CACNA1C: variants seen among roughly 807,000 people sequenced by gnomAD.
CACNA1C encodes calcium voltage-gated channel subunit alpha1 C, also known as voltage-dependent L-type calcium channel subunit alpha-1C.
CACNA1C carries 30 observed loss-of-function variants against 229.0 expected under a neutral mutation model. The ratio of observed to expected loss-of-function variants is 0.13; its 90% confidence interval spans 0.10 to 0.18. CACNA1C has a LOEUF of 0.18. CACNA1C is among the 10% of genes least tolerant of loss of function. The probability of loss-of-function intolerance (pLI) is 1.00; values close to 1 mark genes in which losing one functional copy is unlikely to be tolerated. For synonymous variants in CACNA1C, 1,114 were observed against 1,132.5 expected (o/e 0.98, Z 0.33); for missense variants, 1,658 against 2,845.0 (o/e 0.58, Z 9.49).
chr12:2,264,533 A>G (rs1240812792), intron 3 of CACNA1C, among the ~76,000 whole-genome samples: 1 of 152,180 alleles, frequency 6.6e-6, no homozygotes, highest in Non-Finnish European at 1.5e-5. Context: ...AACCCTTGCA[A>G]TCATGCCAAG....
At chr12:2,178,354 C>A (rs1765629129) in intron 3 of CACNA1C, among the ~76,000 whole-genome samples, 1 of 152,188 alleles carries the variant, frequency 6.6e-6, no homozygotes, top group Non-Finnish European at 1.5e-5. Context: ...AGGGGCCATG[C>A]ACTAACTGTA....
intron 5 of CACNA1C, among the ~76,000 whole-genome samples, chr12:2,462,329 G>A (rs557630798): frequency 9.1e-4 from 127 of 139,788 alleles, no homozygotes; most frequent in African/African-American, 3.3e-3. Flanking sequence ...GCACCTCCTC[G>A]GCCCGCCCCT....
At chr12:2,069,894 G>A (rs1042404491) in intron 1 of CACNA1C, among the ~76,000 whole-genome samples, 3 of 152,004 alleles carry the variant, frequency 2.0e-5, no homozygotes, top group Admixed American at 1.3e-4. Flanking sequence ...AATGGCTCAC[G>A]GCAGCCTCAA....
chr12:1,998,091 C>T lies in CACNA1C; in HGVS notation c.139+26890C>T. The T allele has an allele frequency of 3.9e-6, 3 of 775,600 alleles. No homozygotes were observed. In the South Asian group the frequency reaches 6.4e-5, roughly 17 times the overall value. 48.0% of individuals were successfully genotyped at this position (775,600 alleles called of 1,614,324 possible). A position where few individuals can be genotyped will look rare whatever the true frequency, so the allele number is the denominator to read the frequency against. ...ATAACTTCAATGGGCCAAATATACC[C>T]AACATGAGGAGTTATTCTCAGGAAA... On this transcript the variant is annotated intron_variant, in intron 1 of 46. Coordinates refer to the CACNA1C transcript ENST00000682462.
At chr12:2,478,371 G>A (rs1039168259) in intron 5 of CACNA1C, among the ~76,000 whole-genome samples, 1 of 152,180 alleles carries the variant, frequency 6.6e-6, no homozygotes, top group East Asian at 1.9e-4. Context: ...GTGCCCTAGG[G>A]CCTGGCTGCT....
At chr12:2,102,213 G>T (rs2076698470) in intron 1 of CACNA1C, among the ~76,000 whole-genome samples, 1 of 152,150 alleles carries the variant, frequency 6.6e-6, no homozygotes, top group Non-Finnish European at 1.5e-5. Context: ...GTATACTTCT[G>T]CACGGAAACC....
At chr12:2,397,049 A>T (rs899765416) in intron 3 of CACNA1C, among the ~76,000 whole-genome samples, 13 of 152,246 alleles carry the variant, frequency 8.5e-5, no homozygotes, top group Admixed American at 8.5e-4. Context: ...TTCATATCTG[A>T]TGAAAGCTTT....
chr12:2,505,721 A>G (rs2099770131), intron 8 of CACNA1C, among the ~76,000 whole-genome samples: 1 of 152,164 alleles, frequency 6.6e-6, no homozygotes, highest in African/African-American at 2.4e-5. Context: ...TTCACCATGG[A>G]AACGCATAGG....
intron 37 of CACNA1C, chr12:2,668,587 C>A: frequency 3.9e-6 from 1 of 255,714 alleles, no homozygotes; most frequent in Non-Finnish European, 7.6e-6. Flanking sequence ...CTGGGGAGGC[C>A]TCAGGAAGCT....
intron 3 of CACNA1C, among the ~76,000 whole-genome samples, chr12:2,300,952 C>T (rs1388683443): frequency 1.3e-5 from 2 of 152,210 alleles, no homozygotes; most frequent in African/African-American, 4.8e-5. Flanking sequence ...AGCAGCTGCC[C>T]TACCTGGATG....
At chr12:2,329,067 T>G (rs2096449783) in intron 3 of CACNA1C, among the ~76,000 whole-genome samples, 1 of 152,124 alleles carries the variant, frequency 6.6e-6, no homozygotes, top group South Asian at 2.1e-4. Flanking sequence ...GCCTCCTGGT[T>G]TTGTGATAGA....
intron 3 of CACNA1C, among the ~76,000 whole-genome samples, chr12:2,255,449 G>C (rs1228346018): frequency 6.6e-6 from 1 of 152,172 alleles, no homozygotes; most frequent in Non-Finnish European, 1.5e-5. Context: ...CTGCAAGAAG[G>C]AAGAGATGTC....
chr12:2,528,041 A>C (rs533164459), intron 9 of CACNA1C, among the ~76,000 whole-genome samples: 1 of 152,224 alleles, frequency 6.6e-6, no homozygotes, highest in East Asian at 1.9e-4. Flanking sequence ...ATTAAGTCCT[A>C]CCCCTTGATT....
At chr12:2,394,436 TCC>T (rs527477502) in intron 3 of CACNA1C, among the ~76,000 whole-genome samples, 4 of 152,244 alleles carry the variant, frequency 2.6e-5, no homozygotes, top group Non-Finnish European at 5.9e-5. Context: ...TGAGCCACCT[TCC>T]CCTGCAAGTA....
At chr12:2,667,447 C>T (rs1395331861) in intron 37 of CACNA1C, among the ~76,000 whole-genome samples, 2 of 152,120 alleles carry the variant, frequency 1.3e-5, no homozygotes, top group South Asian at 2.1e-4. Flanking sequence ...TCATGGAAAA[C>T]GCAGATTGAG....
chr12:2,066,485 C>T (rs4765882), intron 1 of CACNA1C, among the ~76,000 whole-genome samples: 44,662 of 151,730 alleles, frequency 0.29, 8,311 homozygotes, highest in Admixed American at 0.46. Flanking sequence ...TGAATGGAGT[C>T]GTGAAAGGGA....
chr12:2,374,229 C>T (rs143235275), intron 3 of CACNA1C, among the ~76,000 whole-genome samples: 1 of 152,328 alleles, frequency 6.6e-6, no homozygotes, highest in African/African-American at 2.4e-5. Context: ...TGTCATTCTT[C>T]CCTGGTATGC....
intron 3 of CACNA1C, among the ~76,000 whole-genome samples, chr12:2,124,480 G>A (rs1036909046): frequency 5.9e-5 from 9 of 152,210 alleles, no homozygotes; most frequent in African/African-American, 2.2e-4. Flanking sequence ...GAAGAGCCAG[G>A]TGATGGGGGC....
intron 42 of CACNA1C, among the ~76,000 whole-genome samples, chr12:2,680,740 C>T (rs1276924108): frequency 6.6e-6 from 1 of 152,260 alleles, no homozygotes; most frequent in Non-Finnish European, 1.5e-5. Context: ...GCCCATGGGA[C>T]TCAGGCATTT....
Sources: allele counts gnomAD v4.1 joint callset (sites outside exome capture counted in the v4.1 genomes callset), GRCh38; gene constraint gnomAD v4.1.1; transcripts MANE v1.5; gene names NCBI Gene and HGNC (gene_info 2026-07-23, HGNC 2026-07-21).